PLCB4: variants seen among roughly 807,000 people sequenced by gnomAD.
PLCB4 encodes the protein phospholipase C beta 4.
PLCB4 carries 77 observed loss-of-function variants against 178.8 expected under a neutral mutation model. The observed-to-expected ratio is 0.43, with a 90% CI of 0.36 to 0.52. PLCB4 has a LOEUF of 0.52. Among genes scored for constraint, PLCB4 ranks in the 20% least tolerant of loss-of-function variants. The pLI is 0.00. For missense variants in PLCB4, 1,024 were observed against 1,453.4 expected (o/e 0.70, Z 4.80); for synonymous variants, 496 against 490.8 (o/e 1.01, Z -0.14).
Position 9,149,040 on chromosome 20 carries a change from T to C in PLCB4, c.-79+52698T>C, listed in dbSNP as rs146293553. On this transcript the variant is annotated intron_variant, in intron 2 of 39. Transcript: ENST00000378473. ...CTTGTTTGTTTTCAGAGGGTTCCCT[T>C]GCCCTCTGGCCTCCAGGTAGGTGTA... Among the ~76,000 whole-genome samples the C allele has an allele frequency of 7.9e-5, 12 of 152,276 alleles. No homozygotes were observed. In the East Asian group the frequency reaches 2.3e-3, roughly 29 times the overall value.
intron 2 of PLCB4, among the ~76,000 whole-genome samples, chr20:9,157,998 G>C (rs1275523788): frequency 6.6e-6 from 1 of 152,220 alleles, no homozygotes; most frequent in East Asian, 1.9e-4. Context: ...CCCTTTACCT[G>C]TTCCACCATT....
intron 1 of PLCB4, among the ~76,000 whole-genome samples, chr20:9,085,302 G>A (rs985606776): frequency 2.0e-5 from 3 of 152,084 alleles, no homozygotes; most frequent in Non-Finnish European, 4.4e-5. Flanking sequence ...ATGACCACTG[G>A]TTTGGTCATT....
chr20:9,241,458 A>G (rs1307221741), intron 3 of PLCB4, among the ~76,000 whole-genome samples: 2 of 152,166 alleles, frequency 1.3e-5, no homozygotes, highest in Non-Finnish European at 2.9e-5. Context: ...CCAATGAACC[A>G]AAAGCAGAAT....
chr20:9,075,803 A>T (rs1172760056), intron 1 of PLCB4, among the ~76,000 whole-genome samples: 1 of 152,240 alleles, frequency 6.6e-6, no homozygotes. Flanking sequence ...GAGTCTTCTC[A>T]TTTTAAAATG....
At chr20:9,099,231 A>G (rs2091047575) in intron 2 of PLCB4, among the ~76,000 whole-genome samples, 1 of 152,170 alleles carries the variant, frequency 6.6e-6, no homozygotes, top group African/African-American at 2.4e-5. Flanking sequence ...TCATGTTAAG[A>G]TTGGATCCAT....
intron 13 of PLCB4, among the ~76,000 whole-genome samples, chr20:9,382,424 A>G (rs1432020609): frequency 6.6e-6 from 1 of 152,208 alleles, no homozygotes; most frequent in Non-Finnish European, 1.5e-5. Context: ...TTCCCAACAC[A>G]TTTAGAATAA....
At chr20:9,069,235 G>C (rs2089438013) in intron 1 of PLCB4, 29 bp downstream of exon 1, 1 of 152,592 alleles carries the variant, frequency 6.6e-6, no homozygotes, top group African/African-American at 2.4e-5. Flanking sequence ...GGTCCCGCCC[G>C]AGGATGCTCC....
chr20:9,326,730 G>A (rs2030650350), intron 4 of PLCB4, among the ~76,000 whole-genome samples: 1 of 152,070 alleles, frequency 6.6e-6, no homozygotes, highest in African/African-American at 2.4e-5. Context: ...TGTAGACTGA[G>A]GCCAGCTTAG....
intron 3 of PLCB4, among the ~76,000 whole-genome samples, chr20:9,262,335 G>T (rs1298745236): frequency 6.6e-6 from 1 of 151,230 alleles, no homozygotes; most frequent in Non-Finnish European, 1.5e-5. Flanking sequence ...GAGTGAGTGA[G>T]AGAGAGAGAG....
chr20:9,446,051 AATAATAGCAGCT>A (rs1400985351), intron 32 of PLCB4, among the ~76,000 whole-genome samples: 1 of 152,236 alleles, frequency 6.6e-6, no homozygotes, highest in Non-Finnish European at 1.5e-5. Context: ...TAATAGCAGC[AATAATAGCAGCT>A]AGAATTCCTG....
chr20:9,229,835 TC>T (rs1268035778), intron 3 of PLCB4, among the ~76,000 whole-genome samples: 2 of 152,136 alleles, frequency 1.3e-5, no homozygotes, highest in Admixed American at 6.6e-5. Flanking sequence ...GAGCTATCCT[TC>T]CTGATGCTCT....
chr20:9,388,995 A>G (rs1265136940), intron 15 of PLCB4, among the ~76,000 whole-genome samples: 1 of 152,126 alleles, frequency 6.6e-6, no homozygotes, highest in Non-Finnish European at 1.5e-5. Flanking sequence ...ATTGTGAAAT[A>G]TTTTTCTGAT....
intron 2 of PLCB4, among the ~76,000 whole-genome samples, chr20:9,202,910 C>A (rs974817676): frequency 3.3e-5 from 5 of 151,720 alleles, no homozygotes; most frequent in African/African-American, 1.2e-4. Flanking sequence ...GAAAAGTTTG[C>A]AGACTCCAGC....
At chr20:9,105,745 T>C (rs938176479) in intron 2 of PLCB4, among the ~76,000 whole-genome samples, 1 of 152,088 alleles carries the variant, frequency 6.6e-6, no homozygotes, top group Non-Finnish European at 1.5e-5. Flanking sequence ...TTGGGACACC[T>C]GCAAAGTCTT....
chr20:9,396,299 A>G (rs2038582200), intron 19 of PLCB4, among the ~76,000 whole-genome samples: 1 of 152,220 alleles, frequency 6.6e-6, no homozygotes, highest in South Asian at 2.1e-4. Flanking sequence ...TAGAGAGGCA[A>G]ATAATTTAAG....
intron 21 of PLCB4, among the ~76,000 whole-genome samples, chr20:9,406,491 ATTT>A (rs113287972): frequency 1.4e-5 from 2 of 142,678 alleles, no homozygotes; most frequent in Non-Finnish European, 3.1e-5. Context: ...CAAATTGACC[ATTT>A]TTTTTTTTTT....
intron 3 of PLCB4, among the ~76,000 whole-genome samples, chr20:9,227,079 T>C (rs2093875276): frequency 6.6e-6 from 1 of 152,136 alleles, no homozygotes; most frequent in Non-Finnish European, 1.5e-5. Flanking sequence ...TGTTCACCTT[T>C]TCACTTGCTT....
intron 2 of PLCB4, among the ~76,000 whole-genome samples, chr20:9,120,600 C>A (rs2091928333): frequency 1.3e-5 from 2 of 152,140 alleles, no homozygotes; most frequent in South Asian, 4.1e-4. Flanking sequence ...AATACTACTT[C>A]TCATCTGCAG....
At chr20:9,436,409 T>A (rs575413647) in intron 29 of PLCB4, among the ~76,000 whole-genome samples, 2 of 152,362 alleles carry the variant, frequency 1.3e-5, no homozygotes, top group African/African-American at 4.8e-5. Flanking sequence ...TGGAGTGCAG[T>A]AGTGTGATCA....
Sources: gnomAD v4.1 joint callset for allele counts (sites outside exome capture counted in the v4.1 genomes callset) on GRCh38, gnomAD v4.1.1 for gene constraint, MANE v1.5 for transcripts, NCBI Gene and HGNC (gene_info 2026-07-23, HGNC 2026-07-21) for gene names.